Variants in FAT4 observed in about 807,000 individuals in gnomAD.
FAT4 encodes the protein protocadherin Fat 4.
FAT4 carries 84 observed loss-of-function variants against 303.9 expected under a neutral mutation model. The observed-to-expected ratio is 0.28, with a 90% CI of 0.23 to 0.33. FAT4 has a LOEUF of 0.33. Ranked by LOEUF, FAT4 falls within the 10% of genes least tolerant of loss-of-function variation. The pLI, the probability that FAT4 is intolerant of heterozygous loss-of-function variation, is 1.00. For synonymous variants in FAT4, 2,307 were observed against 2,298.8 expected (o/e 1.00, Z -0.10); for missense variants, 6,005 against 6,146.8 (o/e 0.98, Z 0.77).
At chr4:125,430,332 G>A (rs942277902) in intron 7 of FAT4, among the ~76,000 whole-genome samples, 8 of 152,126 alleles carry the variant, frequency 5.3e-5, no homozygotes, top group African/African-American at 1.9e-4. Flanking sequence ...TTGAAATTAA[G>A]AGACATTCCA....
chr4:125,339,595 T>G (rs1731701416), intron 2 of FAT4, among the ~76,000 whole-genome samples: 1 of 152,166 alleles, frequency 6.6e-6, no homozygotes, highest in South Asian at 2.1e-4. Context: ...CAACTAAAAC[T>G]AACATTTATT....
intron 4 of FAT4, among the ~76,000 whole-genome samples, 199 bp from the exon 5 acceptor site, chr4:125,408,245 T>C (rs1734697973): frequency 6.6e-6 from 1 of 152,174 alleles, no homozygotes; most frequent in South Asian, 2.1e-4. Context: ...ACTGGATATC[T>C]GATATGTCAC....
chr4:125,425,055 T>C (rs143703642), intron 7 of FAT4, among the ~76,000 whole-genome samples: 49 of 152,252 alleles, frequency 3.2e-4, no homozygotes, highest in Admixed American at 1.4e-3. Context: ...AATATAAAAG[T>C]TTAGTTCTCA....
chr4:125,357,595 GTTAT>G (rs570901328), intron 2 of FAT4, among the ~76,000 whole-genome samples: 40 of 152,246 alleles, frequency 2.6e-4, no homozygotes, highest in Non-Finnish European at 3.7e-4. Context: ...TACAAGAGAT[GTTAT>G]TTTAACTGCT....
At chr4:125,460,044 A>C (rs115962084) in intron 10 of FAT4, among the ~76,000 whole-genome samples, 4,901 of 152,138 alleles carry the variant, frequency 0.032, 115 homozygotes, top group Middle Eastern at 0.075. Context: ...CAAAAGACAC[A>C]GGTGTTTTAA....
At chr4:125,473,618 C>T (rs1161628596) in intron 12 of FAT4, among the ~76,000 whole-genome samples, 2 of 151,850 alleles carry the variant, frequency 1.3e-5, no homozygotes, top group East Asian at 3.9e-4. Flanking sequence ...ATCACCTCAC[C>T]CCCATTCTCC....
At chr4:125,437,381 G>C (rs140422127) in intron 8 of FAT4, among the ~76,000 whole-genome samples, 1 of 152,170 alleles carries the variant, frequency 6.6e-6, no homozygotes, top group African/African-American at 2.4e-5. Flanking sequence ...AGACAACAGA[G>C]GAAATGCAGG....
At chr4:125,377,158 T>C (rs1246035340) in intron 2 of FAT4, among the ~76,000 whole-genome samples, 2 of 152,158 alleles carry the variant, frequency 1.3e-5, no homozygotes, top group Non-Finnish European at 2.9e-5. Flanking sequence ...AATATTTTTA[T>C]GGCAATTACA....
chr4:125,430,379 G>C (rs1012760226), intron 7 of FAT4, among the ~76,000 whole-genome samples: 2 of 152,124 alleles, frequency 1.3e-5, no homozygotes, highest in Admixed American at 6.5e-5. Context: ...GTGTAAAGCT[G>C]ATTTGGAGGT....
chr4:125,468,558 G>A lies in FAT4; in HGVS notation c.11952G>A (p.Glu3984=). The part of the protein sequence containing the change: ...HCELNSYGFE[E]LSYMEFPSLD... The stretch of plus-strand genomic sequence containing the variant: ...AGTTGAACAGTTATGGATTTGAGGA[G>A]TTATCATACATGGAATTTCCAAGCT... The change falls in exon 12 of 18, where the codon GAG becomes GAA. Residue 3984 remains glutamate, a synonymous_variant. Transcript: ENST00000394329. 9 of 1,613,742 alleles carry A rather than the reference G, an allele frequency of 5.6e-6. No individual in the cohort carries two copies. Among genetic ancestry groups the A allele is most frequent in the Non-Finnish European group, 7.6e-6 (9 of 1,179,744 alleles).
intron 17 of FAT4, among the ~76,000 whole-genome samples, chr4:125,488,309 C>T (rs1419694752): frequency 1.3e-5 from 2 of 152,088 alleles, no homozygotes; most frequent in African/African-American, 4.8e-5. Context: ...CAGTTTTGGT[C>T]TTATTTACAG....
At chr4:125,489,417 T>C (rs1727525915) in intron 17 of FAT4, among the ~76,000 whole-genome samples, 1 of 152,186 alleles carries the variant, frequency 6.6e-6, no homozygotes, top group Admixed American at 6.5e-5. Context: ...TTTGTTTTGC[T>C]CCCCAAGAAC....
chr4:125,450,984 G>A lies in FAT4; in HGVS notation c.9974G>A (p.Ser3325Asn), dbSNP rs1726042825. The A allele has an allele frequency of 1.2e-6, 2 of 1,614,020 alleles. No individual in the cohort carries two copies. Among genetic ancestry groups the A allele is most frequent in the South Asian group, 1.1e-5 (1 of 91,088 alleles). The change falls in exon 10 of 18, where the codon AGC (serine) becomes AAC (asparagine). Residue 3325 changes from serine to asparagine, a missense_variant. Physicochemically the swap from Ser to Asn is conservative, Grantham distance 46. Transcript: ENST00000394329. ...ACTATTGTTGGAGAAGTGTTTGCTA[G>A]CGACCGTGATTTGGGCACTGATGGG... is the stretch of plus-strand genomic sequence containing the variant. ...KGTIVGEVFA[S>N]DRDLGTDGEV...
intron 2 of FAT4, among the ~76,000 whole-genome samples, chr4:125,377,573 G>A (rs1395141799): frequency 6.6e-6 from 1 of 152,058 alleles, no homozygotes; most frequent in Non-Finnish European, 1.5e-5. Context: ...GTACATACTT[G>A]AGTGGTTATT....
intron 2 of FAT4, among the ~76,000 whole-genome samples, chr4:125,356,258 C>G (rs2940783): frequency 2.0e-5 from 3 of 151,936 alleles, no homozygotes; most frequent in Non-Finnish European, 4.4e-5. Context: ...CTTGACATGT[C>G]TTAAAGTTGG....
At position 125,318,760 on chromosome 4, in the gene FAT4, A is replaced by G; in HGVS notation, c.2349A>G (p.Val783=). 6.2e-7 allele frequency: 1 copy of G among 1,614,152 alleles called. No homozygotes were observed. Among genetic ancestry groups the G allele is most frequent in the South Asian group, 1.1e-5 (1 of 91,082 alleles). ...ACCAGGCAATAGTAACCATCACTGT[A>G]TTGGACACTCAAGACAACCCACCTG... ...SPNQAIVTIT[V]LDTQDNPPVF... is the part of the protein sequence containing the mutation. The change falls in exon 2 of 18, where the codon GTA becomes GTG. Residue 783 remains valine (V), a synonymous_variant. Coordinates refer to ENST00000394329, the MANE Select transcript of FAT4 (RefSeq NM_001291303.3).
At position 125,320,246 on chromosome 4, in the gene FAT4, C is replaced by A; in HGVS notation, c.3835C>A (p.Pro1279Thr). 6.2e-7 allele frequency: 1 copy of A among 1,614,150 alleles called. No homozygotes were observed. The highest frequency in any genetic ancestry group is 2.2e-5 in the East Asian group (1 of 44,876). Residue 1279 changes from proline to threonine, a missense_variant, in exon 2 of 18, where the codon CCT becomes ACT. Transcript: ENST00000394329. Reference sequence around the variant, plus strand: ...TGGCAAATTAGACTATGAAGCAACACCTGCCTATTCCCTTGTAATTCAAGC... The same window carrying A: ...TGGCAAATTAGACTATGAAGCAACAACTGCCTATTCCCTTGTAATTCAAGC... ...LIGKLDYEAT[P>T]AYSLVIQAVD...
rs1049172385 is a variant in FAT4, at chr4:125,487,211, A to G, written c.12823-134A>G. The G allele has an allele frequency of 4.2e-6, 3 of 711,204 alleles. No homozygotes were observed. The African/African-American group carries it at 5.4e-5, about 13-fold the overall frequency. 44.1% of individuals were successfully genotyped at this position (711,204 alleles called of 1,614,324 possible). A position where few individuals can be genotyped will look rare whatever the true frequency, so the allele number is the denominator to read the frequency against. On this transcript the variant is annotated intron_variant, in intron 16 of 17. Transcript: ENST00000394329. ...AATTAGAGACAAAGTGTGTAAGTATATTCTAATACAACCAGATTCTTCAGC... is the reference window on the plus strand; with the variant it reads ...AATTAGAGACAAAGTGTGTAAGTATGTTCTAATACAACCAGATTCTTCAGC...
intron 7 of FAT4, among the ~76,000 whole-genome samples, chr4:125,431,934 G>A (rs906869830): frequency 2.0e-5 from 3 of 151,966 alleles, no homozygotes; most frequent in Non-Finnish European, 4.4e-5. Flanking sequence ...ATTGTATATA[G>A]TGAAACACAC....
Sources: gnomAD v4.1 joint callset for allele counts (sites outside exome capture counted in the v4.1 genomes callset) on GRCh38, gnomAD v4.1.1 for gene constraint, MANE v1.5 for transcripts, NCBI Gene and HGNC (gene_info 2026-07-23, HGNC 2026-07-21) for gene names.